The following AXL variants were observed in gnomAD, a reference collection of about 807,000 sequenced individuals.
AXL encodes tyrosine-protein kinase receptor UFO.
Under a neutral mutation model 104.5 loss-of-function variants are expected in AXL, and 52 were observed. The ratio of observed to expected loss-of-function variants is 0.50; its 90% CI spans 0.40 to 0.63. The LOEUF is 0.63. AXL is among the 20% of genes least tolerant of loss of function. The probability of loss-of-function intolerance (pLI) is 0.00; values close to 1 mark genes in which losing one functional copy is unlikely to be tolerated. For synonymous variants in AXL, 455 were observed against 473.7 expected, an observed-to-expected ratio of 0.96 and a Z score of 0.51; for missense variants, 1,024 against 1,188.5, an observed-to-expected ratio of 0.86 and a Z score of 2.04.
Position 41,252,111 on chromosome 19 carries a change from T to TA in AXL, c.1712-223dup, listed in dbSNP as rs529144010. On this transcript the variant is annotated intron_variant, in intron 14 of 19. Coordinates refer to ENST00000301178, the MANE Select transcript of AXL (RefSeq NM_021913.5). ...CTGGACAACAGAGTGAGACTCCATC[T>TA]AAAAAAAAAAAAAAAAAGAAAATAT... 5.1e-3 allele frequency among the ~76,000 whole-genome samples: 547 copies of TA among 108,152 alleles called. 5 individuals carry two copies. Among genetic ancestry groups the TA allele is most frequent in the Middle Eastern group, 0.017 (3 of 172 alleles). 71.0% of individuals were successfully genotyped at this position (108,152 alleles called of 152,430 possible).
In AXL at chr19:41,252,342, T is replaced by A; in HGVS notation, c.1712-9T>A. ...CCCTCCTCCTCACGACCTTTCTCTC[T>A]CCCTCAAGTTGCCATCTGCACGAGG... On this transcript the variant is annotated splice_polypyrimidine_tract_variant and intron_variant, in intron 14 of 19. Coordinates refer to ENST00000301178, the MANE Select transcript of AXL (RefSeq NM_021913.5). The A allele has an allele frequency of 6.2e-7, 1 of 1,613,238 alleles. No individual in the cohort carries two copies.
At chr19:41,252,111 T>TAAA (rs529144010) in intron 14 of AXL, among the ~76,000 whole-genome samples, 3 of 108,224 alleles carry the variant, frequency 2.8e-5, no homozygotes, top group East Asian at 2.6e-4. Context: ...AGACTCCATC[T>TAAA]AAAAAAAAAA....
chr19:41,236,724 C>T (rs919936027), intron 6 of AXL, among the ~76,000 whole-genome samples: 1 of 151,174 alleles, frequency 6.6e-6, no homozygotes, highest in African/African-American at 2.4e-5. Flanking sequence ...TTGCAGTGAG[C>T]CAAGATCTCA....
chr19:41,221,272 A>G, intron 3 of AXL, 26 bp downstream of exon 3: 1 of 1,597,658 alleles, frequency 6.3e-7, no homozygotes, highest in Non-Finnish European at 8.6e-7. Flanking sequence ...AGGGGTCCTG[A>G]GGGGTCAGAG....
chr19:41,239,809 T>C, intron 10 of AXL, 89 bp downstream of exon 10: 1 of 1,536,986 alleles, frequency 6.5e-7, no homozygotes, highest in Non-Finnish European at 9.0e-7. Context: ...GCACATCCCT[T>C]TCATGTTTCT....
rs145503195 is a variant in AXL, at chr19:41,247,474, G to T, written c.1538-1040G>T. ...GCCGAGATTGCGCCATCGCACTCCA[G>T]CCTGGGCAACAGGAACGAAACTCCA... On this transcript the variant is annotated intron_variant, in intron 12 of 19. Transcript: ENST00000301178. Among the ~76,000 whole-genome samples the T allele has an allele frequency of 5.9e-3, 901 of 152,072 alleles. 13 individuals are homozygous for T. Among genetic ancestry groups the T allele is most frequent in the African/African-American group, 0.021 (855 of 41,468 alleles).
chr19:41,220,549 G>T (rs73931453), intron 1 of AXL, 87 bp from the exon 2 acceptor site: 1 of 1,211,816 alleles, frequency 8.3e-7, no homozygotes, highest in Non-Finnish European at 1.1e-6. Context: ...GGTCCTGGCC[G>T]CCGGTGGGCA....
At chr19:41,252,813 A>G (rs1427370896) in intron 15 of AXL, 33 bp from the exon 16 acceptor site, 1 of 1,612,630 alleles carries the variant, frequency 6.2e-7, no homozygotes, top group African/African-American at 1.3e-5. Flanking sequence ...CCTTCTGCCC[A>G]GCAGGAGTGA....
intron 10 of AXL, among the ~76,000 whole-genome samples, chr19:41,241,521 G>C (rs561140783): frequency 4.0e-4 from 54 of 134,344 alleles, no homozygotes; most frequent in Non-Finnish European, 7.2e-4. Flanking sequence ...TCCAGCCTGG[G>C]CAACACAGCA....
intron 4 of AXL, among the ~76,000 whole-genome samples, chr19:41,222,818 A>G (rs1224035684): frequency 2.0e-5 from 3 of 151,482 alleles, no homozygotes; most frequent in African/African-American, 7.3e-5. Flanking sequence ...AGGCAGGAGA[A>G]TGGCAGGAAC....
chr19:41,231,333 G>T (rs1326699064), intron 6 of AXL, 35 bp downstream of exon 6: 1 of 1,569,686 alleles, frequency 6.4e-7, no homozygotes, highest in Non-Finnish European at 8.7e-7. Context: ...TTCAGTCTCA[G>T]GCCTCCTTCC....
intron 18 of AXL, among the ~76,000 whole-genome samples, chr19:41,256,902 T>G (rs192907030): frequency 6.6e-5 from 10 of 152,282 alleles, no homozygotes; most frequent in Non-Finnish European, 1.3e-4. Flanking sequence ...ACTCATAGAA[T>G]GTGGACAGCC....
intron 6 of AXL, among the ~76,000 whole-genome samples, chr19:41,234,576 C>T (rs1478860361): frequency 1.3e-5 from 2 of 152,158 alleles, no homozygotes; most frequent in Admixed American, 6.6e-5. Flanking sequence ...AGAAAACAAA[C>T]GTTAGCTGTT....
chr19:41,252,846 G>A lies in AXL; in HGVS notation c.1805G>A (p.Gly602Asp). The change falls in exon 16 of 20, where the codon GGT becomes GAT. Residue 602 changes from glycine to aspartate, a missense_variant and splice_region_variant. By Grantham distance (94) the Gly-to-Asp change is moderately conservative. Transcript: ENST00000301178. The stretch of plus-strand genomic sequence containing the variant: ...TGACAGGGCTACCTGGGGGGCTCAG[G>A]TGTCTGTTTCCAGGGTTCTGAACGA... ...FDHPNVMRLI[G>D]VCFQGSERES... The A allele has an allele frequency of 1.2e-6, 2 of 1,613,874 alleles. No homozygotes were observed. Among genetic ancestry groups the A allele is most frequent in the South Asian group, 1.1e-5 (1 of 91,068 alleles).
chr19:41,231,075 G>T, intron 5 of AXL, 28 bp downstream of exon 5: 1 of 1,613,528 alleles, frequency 6.2e-7, no homozygotes, highest in Non-Finnish European at 8.5e-7. Flanking sequence ...TGGGGAGCTG[G>T]GCGTCAGAGG....
At chr19:41,222,740 A>C (rs1040964782) in intron 4 of AXL, among the ~76,000 whole-genome samples, 6 of 151,296 alleles carry the variant, frequency 4.0e-5, no homozygotes, top group African/African-American at 1.5e-4. Flanking sequence ...CCCCATCTCT[A>C]CTAAAAATAC....
intron 4 of AXL, among the ~76,000 whole-genome samples, chr19:41,228,581 A>T (rs2033923003): frequency 6.6e-6 from 1 of 152,088 alleles, no homozygotes; most frequent in African/African-American, 2.4e-5. Flanking sequence ...GTCAAGACAC[A>T]ATACGTGAAC....
In AXL at chr19:41,238,506, G is replaced by A. The variant is rs1255166048; in HGVS notation, c.1031G>A (p.Arg344Gln). Residue 344 changes from arginine to glutamine, a missense_variant, in exon 8 of 20, where the codon CGG (arginine) becomes CAG (glutamine). By Grantham distance (43) the Arg-to-Gln change is conservative (BLOSUM62 1). Transcript: ENST00000301178. ...CCCCCTGAGAACATTAGTGCTACGCGGAATGGGAGCCAGGCCTTCGTGCAT... is the reference window on the plus strand; with the variant it reads ...CCCCCTGAGAACATTAGTGCTACGCAGAATGGGAGCCAGGCCTTCGTGCAT... ...LGPPENISAT[R>Q]NGSQAFVHWQ... The A allele has an allele frequency of 1.5e-5, 24 of 1,613,898 alleles. No individual in the cohort carries two copies. In the Admixed American group the frequency reaches 1.8e-4, roughly 12 times the overall value.
intron 12 of AXL, among the ~76,000 whole-genome samples, chr19:41,246,831 C>A (rs71337582): frequency 0.45 from 68,524 of 151,994 alleles, 16,397 homozygotes; most frequent in African/African-American, 0.61. Context: ...CTGGGTGAAC[C>A]ACTGTGAACC....
Sources: gnomAD v4.1 joint callset for allele counts (sites outside exome capture counted in the v4.1 genomes callset) on GRCh38, gnomAD v4.1.1 for gene constraint, MANE v1.5 for transcripts, NCBI Gene and HGNC (gene_info 2026-07-23, HGNC 2026-07-21) for gene names.